Variants in COL3A1 observed in about 807,000 individuals in gnomAD.
COL3A1 encodes the protein collagen type III alpha 1 chain.
A neutral mutation model predicts 200.9 loss-of-function variants in COL3A1; 46 were observed. That is an observed-to-expected ratio of 0.23 (90% CI 0.18 to 0.29). The LOEUF is 0.29. COL3A1 is among the 10% of genes least tolerant of loss of function. The pLI is 1.00. For synonymous variants in COL3A1, 650 were observed against 628.0 expected, an observed-to-expected ratio of 1.03 and a Z score of -0.52; for missense variants, 1,367 against 1,917.6, an observed-to-expected ratio of 0.71 and a Z score of 5.36.
intron 26 of COL3A1, 37 bp from the exon 27 acceptor site, chr2:188,997,663 G>A (rs900705436): frequency 1.9e-6 from 3 of 1,586,570 alleles, no homozygotes; most frequent in Non-Finnish European, 2.6e-6. Context: ...AATATAAAAG[G>A]ATGTTTACAA....
chr2:188,993,450 A>G lies in COL3A1; in HGVS notation c.1140A>G (p.Gln380=). 2 of 1,553,738 alleles carry G rather than the reference A, an allele frequency of 1.3e-6. No homozygotes were observed. The highest frequency in any genetic ancestry group is 1.7e-6 in the Non-Finnish European group (2 of 1,148,112). The change falls in exon 16 of 51, where the codon CAA becomes CAG. Residue 380 remains glutamine, a synonymous_variant. Coordinates refer to ENST00000304636, the MANE Select transcript of COL3A1 (RefSeq NM_000090.4). ...EPGPQGHAGA[Q]GPPGPPGING... Reference sequence around the variant, plus strand: ...GACCTCAGGGACACGCTGGTGCTCAAGGTCCTCCTGTAAGTATCATAGTTG... The same window carrying G: ...GACCTCAGGGACACGCTGGTGCTCAGGGTCCTCCTGTAAGTATCATAGTTG...
At chr2:188,984,397 A>C (rs1266242356) in intron 1 of COL3A1, among the ~76,000 whole-genome samples, 1 of 152,030 alleles carries the variant, frequency 6.6e-6, no homozygotes, top group Non-Finnish European at 1.5e-5. Context: ...TGTTAAGGCA[A>C]AGAATAGCAA....
intron 11 of COL3A1, 44 bp from the exon 12 acceptor site, chr2:188,991,443 T>C (rs781049179): frequency 1.5e-6 from 2 of 1,303,618 alleles, no homozygotes; most frequent in Admixed American, 3.8e-5. Context: ...TATAATATTT[T>C]CTTCCTCTTT....
intron 45 of COL3A1, 37 bp downstream of exon 45, chr2:189,007,644 G>T: frequency 6.5e-7 from 1 of 1,534,794 alleles, no homozygotes; most frequent in Non-Finnish European, 8.9e-7. Flanking sequence ...TCCCTTCAAT[G>T]TATACAAATT....
intron 22 of COL3A1, 137 bp downstream of exon 22, chr2:188,995,927 A>C: frequency 1.1e-6 from 1 of 945,656 alleles, no homozygotes. Flanking sequence ...AAATTCTTTT[A>C]AGTAAACTTA....
rs1274380024 is a variant in COL3A1, at chr2:188,986,580, T to G, written c.448-479T>G. Among the ~76,000 whole-genome samples, 2 of 152,108 alleles carry G rather than the reference T, an allele frequency of 1.3e-5. 1 individual carries two copies. The highest frequency in any genetic ancestry group is 4.8e-5 in the African/African-American group (2 of 41,450). Reference sequence around the variant, plus strand: ...TTATTTTCTATGGAGATGTTTATTTTTGAGTGAATCTTTTAGTCATATTAA... The same window carrying G: ...TTATTTTCTATGGAGATGTTTATTTGTGAGTGAATCTTTTAGTCATATTAA... On this transcript the variant is annotated intron_variant, in intron 4 of 50. Coordinates refer to ENST00000304636, the MANE Select transcript of COL3A1 (RefSeq NM_000090.4).
Position 188,997,705 on chromosome 2 carries a change from T to C in COL3A1, c.1875T>C (p.Pro625=), listed in dbSNP as rs1423167656. 1.2e-6 allele frequency: 2 copies of C among 1,613,700 alleles called. No homozygotes were observed. The highest frequency in any genetic ancestry group is 1.7e-6 in the Non-Finnish European group (2 of 1,179,624). ...GTATCATTATACTTTTCTAGGGGCC[T>C]GGTGGTGACAAAGGAGACACAGGAC... The part of the protein sequence containing the change: ...GPQGPPGPTG[P]GGDKGDTGPP... Residue 625 remains proline (P), a synonymous_variant, in exon 27 of 51, where the codon CCT becomes CCC. Transcript: ENST00000304636.
chr2:188,983,688 T>C (rs1466851294), intron 1 of COL3A1, among the ~76,000 whole-genome samples: 1 of 151,952 alleles, frequency 6.6e-6, no homozygotes, highest in Non-Finnish European at 1.5e-5. Context: ...ACATTTTAAA[T>C]ATCTTGGCTT....
chr2:188,997,559 T>A (rs1304551726), intron 26 of COL3A1, 141 bp from the exon 27 acceptor site: 1 of 1,117,784 alleles, frequency 8.9e-7, no homozygotes, highest in African/African-American at 1.6e-5. Flanking sequence ...GTTTAGAGTG[T>A]ACATGTGTGC....
At chr2:189,011,501 T>A in intron 50 of COL3A1, 127 bp from the exon 51 acceptor site, 5 of 1,031,520 alleles carry the variant, frequency 4.8e-6, no homozygotes, top group Non-Finnish European at 3.0e-6. Context: ...AGGTCTCATA[T>A]ACATGAATAA....
Position 188,991,000 on chromosome 2 carries a change from C to T in COL3A1, c.799-4C>T, listed in dbSNP as rs2153502046. The T allele has an allele frequency of 6.2e-7, 1 of 1,612,844 alleles. No homozygotes were observed. The highest frequency in any genetic ancestry group is 1.1e-5 in the South Asian group (1 of 90,992). ...TAATTTTGCTGGTTTTATACATTTC[C>T]TAGGGCTTCGATGGACGAAATGGAG... is the stretch of plus-strand genomic sequence containing the variant. On this transcript the variant is annotated splice_polypyrimidine_tract_variant and splice_region_variant and intron_variant, in intron 10 of 50. Transcript: ENST00000304636.
Position 189,008,938 on chromosome 2 carries a change from C to A in COL3A1, c.3540C>A (p.His1180Gln). 1 of 1,613,970 alleles carries A rather than the reference C, an allele frequency of 6.2e-7. No homozygotes were observed. The highest frequency in any genetic ancestry group is 8.5e-7 in the Non-Finnish European group (1 of 1,180,000). ...ACTCATTCTAGGGCTCCCCAGGCCA[C>A]CCAGGGCAACCAGGCCCTCCTGGAC... ...GERGSEGSPG[H>Q]PGQPGPPGPP... Residue 1180 changes from histidine to glutamine, a missense_variant, in exon 48 of 51, where the codon CAC (histidine) becomes CAA (glutamine). Physicochemically the swap from His to Gln is conservative, Grantham distance 24. Coordinates refer to ENST00000304636, the MANE Select transcript of COL3A1 (RefSeq NM_000090.4).
chr2:188,985,791 C>T lies in COL3A1; in HGVS notation c.447+13C>T, dbSNP rs751726448. 3.2e-5 allele frequency: 51 copies of T among 1,572,504 alleles called. No individual in the cohort carries two copies. The highest frequency in any genetic ancestry group is 3.2e-5 in the Non-Finnish European group (37 of 1,143,612). Reference sequence around the variant, plus strand: ...TACTGGTCCTCAGGTATAACAATTACGGTACTTAAAAAATTCCCTCATAAA... The same window carrying T: ...TACTGGTCCTCAGGTATAACAATTATGGTACTTAAAAAATTCCCTCATAAA... On this transcript the variant is annotated intron_variant, in intron 4 of 50. Coordinates refer to ENST00000304636, the MANE Select transcript of COL3A1 (RefSeq NM_000090.4).
chr2:188,990,838 T>C (rs1463903314), intron 10 of COL3A1, among the ~76,000 whole-genome samples, 166 bp from the exon 11 acceptor site: 1 of 152,156 alleles, frequency 6.6e-6, no homozygotes, highest in Non-Finnish European at 1.5e-5. Context: ...TGTTGTAAAA[T>C]CAGTATGAAA....
At chr2:188,989,522 G>C (rs547171357) in intron 8 of COL3A1, 73 bp downstream of exon 8, 1 of 1,077,822 alleles carries the variant, frequency 9.3e-7, no homozygotes, top group Non-Finnish European at 1.4e-6. Context: ...TATGCTTTAT[G>C]TCAGAATCCC....
rs1688275818 is a variant in COL3A1, at chr2:188,995,097, A to G, written c.1507A>G (p.Lys503Glu). ...TGGACCAAATGGCATCCCAGGAGAA[A>G]AGGTAGATAACTTTAGTTTCTATGT... ...PAGPNGIPGE[K>E]GPAGERGAPG... Residue 503 changes from lysine (K) to glutamate (E), a missense_variant and splice_region_variant, in exon 21 of 51, where the codon AAG becomes GAG. Physicochemically the swap from Lys to Glu is moderately conservative, Grantham distance 56. Coordinates refer to ENST00000304636, the MANE Select transcript of COL3A1 (RefSeq NM_000090.4). 4 of 1,614,140 alleles carry G rather than the reference A, an allele frequency of 2.5e-6. No homozygotes were observed. The highest frequency in any genetic ancestry group is 3.4e-6 in the Non-Finnish European group (4 of 1,179,988).
intron 14 of COL3A1, among the ~76,000 whole-genome samples, chr2:188,992,664 A>C (rs563746919): frequency 1.3e-5 from 2 of 152,338 alleles, no homozygotes; most frequent in Admixed American, 1.3e-4. Context: ...ACTAAGTCAC[A>C]GAATTCATGG....
At position 188,994,870 on chromosome 2, in the gene COL3A1, C is replaced by T. The variant is rs1688269425; in HGVS notation, c.1455+39C>T. ...GGGGCATCTAAAAGAAAAGCAGCAT[C>T]ACTGTCATCTAAATAAAACTACCTT... On this transcript the variant is annotated intron_variant, in intron 20 of 50. Coordinates refer to ENST00000304636, the MANE Select transcript of COL3A1 (RefSeq NM_000090.4). The surrounding 1 kb of genome is among the most constrained non-coding windows in gnomAD (Gnocchi z 4.5). 6.2e-7 allele frequency: 1 copy of T among 1,604,000 alleles called. No homozygotes were observed. The highest frequency in any genetic ancestry group is 2.2e-5 in the East Asian group (1 of 44,822).
Position 188,988,596 on chromosome 2 carries a change from C to A in COL3A1, c.589C>A (p.Pro197Thr), listed in dbSNP as rs1225508986. The change falls in exon 7 of 51, where the codon CCA becomes ACA. Residue 197 changes from proline (P) to threonine (T), a missense_variant. Physicochemically the swap from Pro to Thr is conservative, Grantham distance 38 (BLOSUM62 -1). This residue lies in a region of COL3A1 where 462 missense variants were observed against 681.4 expected (regional missense o/e 0.68). Transcript: ENST00000304636. ...TSGHPGSPGS[P>T]GYQGPPGEPG... ...TACATATTCTACTCACTAGGGATCTCCAGGATACCAAGGACCCCCTGGTGA... is the reference window on the plus strand; with the variant it reads ...TACATATTCTACTCACTAGGGATCTACAGGATACCAAGGACCCCCTGGTGA... 1 of 1,604,090 alleles carries A rather than the reference C, an allele frequency of 6.2e-7. No individual in the cohort carries two copies. Among genetic ancestry groups the A allele is most frequent in the South Asian group, 1.1e-5 (1 of 90,668 alleles).
Sources: gnomAD v4.1 joint callset for allele counts (sites outside exome capture counted in the v4.1 genomes callset) on GRCh38, gnomAD v4.1.1 for gene constraint, gnomAD v4.1.1 regional missense constraint, Gnocchi (gnomAD v3.1) non-coding constraint, MANE v1.5 for transcripts, NCBI Gene and HGNC (gene_info 2026-07-23, HGNC 2026-07-21) for gene names.